Variants in CYP19A1 observed in about 807,000 individuals in gnomAD.
CYP19A1 encodes aromatase.
In CYP19A1, 32 loss-of-function variants were observed where a neutral mutation model predicts 44.4. That is an observed-to-expected ratio of 0.72 (90% CI 0.54 to 0.97). CYP19A1 has a LOEUF of 0.97. CYP19A1 is among the 50% of genes least tolerant of loss of function. CYP19A1 has a pLI of 0.00. For synonymous variants in CYP19A1, 212 were observed against 215.6 expected (o/e 0.98, Z 0.14); for missense variants, 598 against 637.8 (o/e 0.94, Z 0.67).
intron 1 of CYP19A1, among the ~76,000 whole-genome samples, chr15:51,281,023 G>A (rs2035501061): frequency 6.6e-6 from 1 of 152,222 alleles, no homozygotes; most frequent in South Asian, 2.1e-4. Flanking sequence ...GGAAACCAGT[G>A]TTCCCTGATG....
rs370887304 is a variant in CYP19A1 at position 51,231,650 on chromosome 15, C to T, written c.297-3717G>A. On this transcript the variant is annotated intron_variant, in intron 3 of 9. Coordinates refer to ENST00000396402, the MANE Select transcript of CYP19A1 (RefSeq NM_000103.4). ...GCACACATGTGTGCGCATGTGTGTA[C>T]GTTAGCGCACACGTGCCTGCTGTCA... Among the ~76,000 whole-genome samples, 15 of 151,728 alleles carry T rather than the reference C, an allele frequency of 9.9e-5. No individual in the cohort carries two copies. In the East Asian group the frequency reaches 1.6e-3, roughly 16 times the overall value.
intron 1 of CYP19A1, among the ~76,000 whole-genome samples, chr15:51,284,111 C>T (rs555279605): frequency 1.1e-4 from 17 of 152,288 alleles, no homozygotes; most frequent in African/African-American, 1.9e-4. Flanking sequence ...TGGTCTGCCT[C>T]CCCAGGAGAA....
intron 3 of CYP19A1, among the ~76,000 whole-genome samples, chr15:51,232,079 C>T (rs2033080409): frequency 6.6e-6 from 1 of 152,126 alleles, no homozygotes; most frequent in Non-Finnish European, 1.5e-5. Context: ...TTTTAAAAAT[C>T]AAAATTCCTT....
chr15:51,212,162 C>T, intron 9 of CYP19A1, 158 bp downstream of exon 9: 1 of 712,142 alleles, frequency 1.4e-6, no homozygotes, highest in South Asian at 1.5e-5. Context: ...TACGGGAGCC[C>T]TGCTCCAAGC....
rs150360572 is a variant in CYP19A1 at position 51,325,528 on chromosome 15, C to A, written c.-39+12967G>T. On this transcript the variant is annotated intron_variant, in intron 1 of 9. Coordinates refer to ENST00000396402, the MANE Select transcript of CYP19A1 (RefSeq NM_000103.4). ...GCTACATCTCTATATGCCCATTGTA[C>A]GCTGGAAATATTGAAAAGTTGAAAG... Among the ~76,000 whole-genome samples the A allele has an allele frequency of 6.6e-3, 1,009 of 152,164 alleles. 6 individuals carry two copies. The highest frequency in any genetic ancestry group is 0.017 in the Middle Eastern group (5 of 294).
chr15:51,245,566 C>A (rs1265618829), intron 1 of CYP19A1, among the ~76,000 whole-genome samples: 1 of 152,068 alleles, frequency 6.6e-6, no homozygotes, highest in Non-Finnish European at 1.5e-5. Context: ...AAATAAACTA[C>A]CATCAGAGTG....
rs1356666512 is a variant in CYP19A1, at chr15:51,223,593, T to TCTCACA, written c.452-1069_452-1068insTGTGAG. Among the ~76,000 whole-genome samples the TCTCACA allele has an allele frequency of 7.0e-3, 629 of 90,192 alleles. 4 individuals carry two copies. Among genetic ancestry groups the TCTCACA allele is most frequent in the African/African-American group, 0.015 (371 of 24,064 alleles). 59.2% of individuals were successfully genotyped at this position (90,192 alleles called of 152,430 possible). ...CTTGCTCTCTCTCTCTCTCTCTCTC[T>TCTCACA]CACACACACACACACACACACACAC... is the stretch of plus-strand genomic sequence containing the variant. On this transcript the variant is annotated intron_variant, in intron 4 of 9. Coordinates refer to ENST00000396402, the MANE Select transcript of CYP19A1 (RefSeq NM_000103.4).
At chr15:51,335,045 T>C (rs1248138555) in intron 1 of CYP19A1, among the ~76,000 whole-genome samples, 1 of 152,194 alleles carries the variant, frequency 6.6e-6, no homozygotes, top group Admixed American at 6.5e-5. Context: ...TGCTTCTCCT[T>C]CTTTCCTTCA....
chr15:51,310,666 T>A (rs1263761939), intron 1 of CYP19A1, among the ~76,000 whole-genome samples: 1 of 152,224 alleles, frequency 6.6e-6, no homozygotes, highest in Non-Finnish European at 1.5e-5. Flanking sequence ...CCTCACTTTT[T>A]TCCCCTTGCA....
At chr15:51,258,901 T>G (rs1255959884) in intron 1 of CYP19A1, among the ~76,000 whole-genome samples, 2 of 152,214 alleles carry the variant, frequency 1.3e-5, no homozygotes, top group African/African-American at 4.8e-5. Context: ...GAACCAAAGT[T>G]GACCAAAGTG....
At chr15:51,248,627 G>C (rs2034169516) in intron 1 of CYP19A1, among the ~76,000 whole-genome samples, 6 of 152,158 alleles carry the variant, frequency 3.9e-5, no homozygotes. Context: ...CCTTCTAGAA[G>C]GTGAATTCCC....
intron 1 of CYP19A1, among the ~76,000 whole-genome samples, chr15:51,303,631 A>C (rs1047632015): frequency 6.6e-6 from 1 of 152,044 alleles, no homozygotes; most frequent in African/African-American, 2.4e-5. Context: ...AGTGGAAAAA[A>C]CTGTCTGAGC....
intron 1 of CYP19A1, among the ~76,000 whole-genome samples, chr15:51,329,035 C>A (rs2036657965): frequency 6.6e-6 from 1 of 152,192 alleles, no homozygotes; most frequent in African/African-American, 2.4e-5. Context: ...ACTTACCCTG[C>A]AGACTTTGGG....
At chr15:51,277,554 A>C (rs984959860) in intron 1 of CYP19A1, among the ~76,000 whole-genome samples, 3 of 152,272 alleles carry the variant, frequency 2.0e-5, no homozygotes, top group African/African-American at 7.2e-5. Flanking sequence ...AAAAAGCTAA[A>C]GTTTGAAAGT....
At chr15:51,296,967 C>A in intron 1 of CYP19A1, among the ~76,000 whole-genome samples, 1 of 152,262 alleles carries the variant, frequency 6.6e-6, no homozygotes, top group Non-Finnish European at 1.5e-5. Context: ...TGCCAGTGTA[C>A]CAGTTGGATT....
chr15:51,288,854 C>T (rs1006451832), intron 1 of CYP19A1, among the ~76,000 whole-genome samples: 1 of 152,168 alleles, frequency 6.6e-6, no homozygotes, highest in East Asian at 1.9e-4. Context: ...CCACCCATAG[C>T]GACTAAACCA....
chr15:51,210,599 C>T lies in CYP19A1; in HGVS notation c.*209G>A, dbSNP rs1182987223. 12 of 696,010 alleles carry T rather than the reference C, an allele frequency of 1.7e-5. No individual in the cohort carries two copies. The highest frequency in any genetic ancestry group is 2.9e-5 in the Non-Finnish European group (11 of 377,708). The allele number at this position is 696,010 out of a possible 1,614,324, so 43.1% of individuals were successfully genotyped here. ...TTCTCCCTCAAACTCTTGGCCTCTGCTTTTTCTCTTGTAGCCTGGTTCTCT... is the reference window on the plus strand; with the variant it reads ...TTCTCCCTCAAACTCTTGGCCTCTGTTTTTTCTCTTGTAGCCTGGTTCTCT... On this transcript the variant is annotated 3_prime_UTR_variant, in exon 10 of 10. Transcript: ENST00000396402.
At chr15:51,306,901 G>A (rs1228878606) in intron 1 of CYP19A1, among the ~76,000 whole-genome samples, 1 of 152,226 alleles carries the variant, frequency 6.6e-6, no homozygotes, top group Non-Finnish European at 1.5e-5. Context: ...GGAATGAGAA[G>A]AAGAGAACTG....
In CYP19A1 at chr15:51,286,118, A is replaced by T. The variant is rs138037510; in HGVS notation, c.-38-43168T>A. Among the ~76,000 whole-genome samples the T allele has an allele frequency of 4.6e-5, 7 of 152,242 alleles. No individual in the cohort carries two copies. The East Asian group carries it at 1.3e-3, about 29-fold the overall frequency. ...GGGAAAGATTTGCCCTCTCACCCGC[A>T]ATGGGCCTGATCCAACTCTCCAGGA... is the stretch of plus-strand genomic sequence containing the variant. On this transcript the variant is annotated intron_variant, in intron 1 of 9. Coordinates refer to ENST00000396402, the MANE Select transcript of CYP19A1 (RefSeq NM_000103.4).
Sources: gnomAD v4.1 joint callset for allele counts (sites outside exome capture counted in the v4.1 genomes callset) on GRCh38, gnomAD v4.1.1 for gene constraint, MANE v1.5 for transcripts, NCBI Gene and HGNC (gene_info 2026-07-23, HGNC 2026-07-21) for gene names.